The following CAMK2D variants were observed in gnomAD, a reference collection of about 807,000 sequenced individuals.
CAMK2D encodes the protein calcium/calmodulin dependent protein kinase II delta.
CAMK2D carries 37 observed loss-of-function variants against 84.0 expected under a neutral mutation model. The observed-to-expected ratio is 0.44, with a 90% CI of 0.34 to 0.58. The LOEUF is 0.58. Ranked by LOEUF, CAMK2D falls within the 20% of genes least tolerant of loss-of-function variation. The probability of loss-of-function intolerance (pLI) is 0.02; values close to 1 mark genes in which losing one functional copy is unlikely to be tolerated. For synonymous variants in CAMK2D, 202 were observed against 212.5 expected, an observed-to-expected ratio of 0.95 and a Z score of 0.43; for missense variants, 448 against 652.5, an observed-to-expected ratio of 0.69 and a Z score of 3.41.
At chr4:113,517,944 C>A (rs1485806364) in intron 8 of CAMK2D, among the ~76,000 whole-genome samples, 3 of 152,042 alleles carry the variant, frequency 2.0e-5, no homozygotes, top group Admixed American at 2.0e-4. Flanking sequence ...ATTCTTTGGC[C>A]CCCCTGAACT....
intron 2 of CAMK2D, among the ~76,000 whole-genome samples, chr4:113,682,884 T>C (rs1178453409): frequency 1.3e-5 from 2 of 152,186 alleles, no homozygotes; most frequent in African/African-American, 4.8e-5. Context: ...CATGGGGCCC[T>C]ATGACTATAA....
At chr4:113,642,007 T>G (rs2099134230) in intron 3 of CAMK2D, among the ~76,000 whole-genome samples, 1 of 151,604 alleles carries the variant, frequency 6.6e-6, no homozygotes. Context: ...CGAAACTCAG[T>G]CTAAAAAAAT....
chr4:113,462,644 C>G (rs565537806), intron 17 of CAMK2D, among the ~76,000 whole-genome samples: 4 of 152,156 alleles, frequency 2.6e-5, no homozygotes, highest in African/African-American at 9.6e-5. Context: ...TTAAAATACC[C>G]TATTTTAAAC....
At chr4:113,701,857 G>A (rs2099418613) in intron 2 of CAMK2D, among the ~76,000 whole-genome samples, 1 of 152,028 alleles carries the variant, frequency 6.6e-6, no homozygotes, top group Non-Finnish European at 1.5e-5. Context: ...CCACAGGCAT[G>A]CGCCATGATG....
At chr4:113,502,699 T>G (rs1290575471) in intron 15 of CAMK2D, among the ~76,000 whole-genome samples, 3 of 152,188 alleles carry the variant, frequency 2.0e-5, no homozygotes, top group African/African-American at 7.2e-5. Flanking sequence ...ACTTCATTCA[T>G]GTTTAGCCTG....
chr4:113,492,098 G>C (rs1274818722), intron 16 of CAMK2D, among the ~76,000 whole-genome samples: 5 of 151,858 alleles, frequency 3.3e-5, no homozygotes, highest in Non-Finnish European at 5.9e-5. Flanking sequence ...ACCAGCTCCT[G>C]GATTCATTAA....
chr4:113,504,045 T>C (rs2154153291), intron 14 of CAMK2D, among the ~76,000 whole-genome samples: 1 of 152,344 alleles, frequency 6.6e-6, no homozygotes, highest in East Asian at 1.9e-4. Flanking sequence ...AGATAACCTG[T>C]TATTTTGATG....
intron 16 of CAMK2D, among the ~76,000 whole-genome samples, chr4:113,495,974 G>T (rs2154144787): frequency 6.6e-6 from 1 of 152,298 alleles, no homozygotes; most frequent in South Asian, 2.1e-4. Flanking sequence ...GGACCATATG[G>T]ACATGTACCC....
intron 16 of CAMK2D, among the ~76,000 whole-genome samples, chr4:113,491,457 G>A (rs1190169936): frequency 4.0e-5 from 6 of 151,078 alleles, no homozygotes; most frequent in African/African-American, 7.3e-5. Context: ...ATTGATTTGC[G>A]TATATTGAAC....
chr4:113,579,134 A>T lies in CAMK2D; in HGVS notation c.276-27038T>A, dbSNP rs1469450989. Among the ~76,000 whole-genome samples, 4 of 152,330 alleles carry T rather than the reference A, an allele frequency of 2.6e-5. No individual in the cohort carries two copies. The East Asian group carries it at 7.7e-4, about 29-fold the overall frequency. ...AACAAAAGGCCAGTTTAAAAACTAT[A>T]TTCCACTGACTGTTTTTGGAGACTA... On this transcript the variant is annotated intron_variant, in intron 4 of 20. Coordinates refer to ENST00000511664, the MANE Select transcript of CAMK2D (RefSeq NM_001321571.2).
intron 2 of CAMK2D, among the ~76,000 whole-genome samples, chr4:113,692,798 T>A (rs1194131880): frequency 1.3e-5 from 2 of 151,732 alleles, no homozygotes; most frequent in Admixed American, 6.6e-5. Flanking sequence ...TGTGTATCTA[T>A]CTACCTATCT....
At chr4:113,512,947 T>G (rs1197379201) in intron 12 of CAMK2D, among the ~76,000 whole-genome samples, 1 of 152,178 alleles carries the variant, frequency 6.6e-6, no homozygotes. Flanking sequence ...TTATTCAAAG[T>G]TATTACTTTA....
chr4:113,512,640 T>G (rs1407530003), intron 12 of CAMK2D, among the ~76,000 whole-genome samples: 1 of 152,224 alleles, frequency 6.6e-6, no homozygotes, highest in East Asian at 1.9e-4. Flanking sequence ...TGGCGTGATC[T>G]CTGCTCACTA....
chr4:113,672,869 C>A (rs2099297086), intron 2 of CAMK2D, among the ~76,000 whole-genome samples: 2 of 151,678 alleles, frequency 1.3e-5, no homozygotes, highest in East Asian at 1.9e-4. Context: ...ATTGTGTATC[C>A]CATGTACCTC....
intron 4 of CAMK2D, among the ~76,000 whole-genome samples, chr4:113,602,804 T>C (rs2098958823): frequency 6.6e-6 from 1 of 152,238 alleles, no homozygotes; most frequent in African/African-American, 2.4e-5. Context: ...TGTTTGTTTT[T>C]TCCTTAATCT....
chr4:113,744,076 G>A (rs913070646), intron 2 of CAMK2D, among the ~76,000 whole-genome samples: 14 of 152,066 alleles, frequency 9.2e-5, no homozygotes, highest in East Asian at 3.9e-4. Context: ...TCCTGACCTC[G>A]CGATCCGCCC....
chr4:113,468,464 G>A (rs2097504759), intron 16 of CAMK2D, among the ~76,000 whole-genome samples: 1 of 152,196 alleles, frequency 6.6e-6, no homozygotes, highest in Non-Finnish European at 1.5e-5. Flanking sequence ...AGGAGCTTGA[G>A]TGAGTCACAG....
chr4:113,608,929 T>C (rs1028601346), intron 4 of CAMK2D, among the ~76,000 whole-genome samples: 8 of 152,190 alleles, frequency 5.3e-5, no homozygotes, highest in Non-Finnish European at 1.0e-4. Flanking sequence ...GAAATAACTA[T>C]TTCACTTAGG....
chr4:113,606,282 A>C (rs891216844), intron 4 of CAMK2D, among the ~76,000 whole-genome samples: 10 of 152,184 alleles, frequency 6.6e-5, no homozygotes, highest in African/African-American at 2.4e-4. Flanking sequence ...CAGCCTGACC[A>C]ACATGGTGAA....
Sources: gnomAD v4.1 joint callset for allele counts (sites outside exome capture counted in the v4.1 genomes callset) on GRCh38, gnomAD v4.1.1 for gene constraint, MANE v1.5 for transcripts, NCBI Gene and HGNC (gene_info 2026-07-23, HGNC 2026-07-21) for gene names.